The following LHX8 variants were observed in gnomAD, a reference collection of about 807,000 sequenced individuals.
LHX8 encodes LIM/homeobox protein Lhx8.
A neutral mutation model predicts 40.3 loss-of-function variants in LHX8; 12 were observed. The observed-to-expected ratio is 0.30, with a 90% CI of 0.19 to 0.48. The LOEUF (loss-of-function observed/expected upper bound fraction) is 0.48. LHX8 is among the 20% of genes least tolerant of loss of function. The probability of loss-of-function intolerance (pLI) is 0.99; values close to 1 mark genes in which losing one functional copy is unlikely to be tolerated. For synonymous variants in LHX8, 179 were observed against 162.0 expected, an observed-to-expected ratio of 1.10 and a Z score of -0.80; for missense variants, 344 against 433.7, an observed-to-expected ratio of 0.79 and a Z score of 1.84.
Position 75,155,601 on chromosome 1 carries a change from C to G in LHX8, c.781-1292C>G, listed in dbSNP as rs144745911. ...GGGAATTCAAACACAGGCATATTAG[C>G]TACTGGAAGCATTCTGGGCAGCCTA... On this transcript the variant is annotated intron_variant, in intron 7 of 8. Coordinates refer to ENST00000356261, the MANE Select transcript of LHX8 (RefSeq NM_001256114.2). Among the ~76,000 whole-genome samples, 226 of 152,230 alleles carry G rather than the reference C, an allele frequency of 1.5e-3. 3 individuals carry two copies. Among genetic ancestry groups the G allele is most frequent in the Non-Finnish European group, 1.2e-4 (8 of 68,038 alleles).
chr1:75,180,660 G>T, the LHX8 span, among the ~76,000 whole-genome samples: 1 of 152,152 alleles, frequency 6.6e-6, no homozygotes, highest in African/African-American at 2.4e-5. Flanking sequence ...GGAGAAGTTT[G>T]TTATTACCGA....
At chr1:75,131,412 T>C (rs551342688), upstream of LHX8, 1 of 154,872 alleles carries the variant, frequency 6.5e-6, no homozygotes, top group East Asian at 1.9e-4. Context: ...TCGGATCTAT[T>C]GCTTTTAAAT....
chr1:75,166,131 C>T (rs1649032316), downstream of LHX8, among the ~76,000 whole-genome samples: 1 of 152,200 alleles, frequency 6.6e-6, no homozygotes, highest in African/African-American at 2.4e-5. Context: ...GTTTGGCAAG[C>T]ACTGCCCTAT....
chr1:75,197,643 T>G, the LHX8 span, among the ~76,000 whole-genome samples: 35 of 152,292 alleles, frequency 2.3e-4, no homozygotes, highest in African/African-American at 6.0e-4. Flanking sequence ...TTAAACATGG[T>G]TTTTTCTTTG....
At chr1:75,136,553 CG>C (rs1648138323) in intron 1 of LHX8, 49 bp from the exon 2 acceptor site, 1 of 1,365,918 alleles carries the variant, frequency 7.3e-7, no homozygotes, top group East Asian at 2.5e-5. Flanking sequence ...GCAGCACGCT[CG>C]GAACTTCTGA....
chr1:75,138,192 T>C (rs892049947), intron 3 of LHX8, among the ~76,000 whole-genome samples: 1 of 152,202 alleles, frequency 6.6e-6, no homozygotes, highest in African/African-American at 2.4e-5. Flanking sequence ...TCAACTTAAA[T>C]AGCTTTTTAA....
Position 75,158,465 on chromosome 1 carries a change from A to C in LHX8, c.964+1389A>C, listed in dbSNP as rs1648828543. On this transcript the variant is annotated intron_variant, in intron 8 of 8. Transcript: ENST00000356261. ...GTGACATGTGCAAGAAATTGTTTAT[A>C]CTCAAAGATAATGAAGATATATCTT... Among the ~76,000 whole-genome samples, 5 of 152,290 alleles carry C rather than the reference A, an allele frequency of 3.3e-5. No individual in the cohort carries two copies. In the South Asian group the frequency reaches 1.0e-3, roughly 32 times the overall value.
At chr1:75,168,954 G>A in the LHX8 span, among the ~76,000 whole-genome samples, 76 of 152,020 alleles carry the variant, frequency 5.0e-4, no homozygotes, top group Non-Finnish European at 8.2e-4. Flanking sequence ...AACTTGTTCC[G>A]GGCTTCCACC....
the LHX8 span, among the ~76,000 whole-genome samples, chr1:75,167,164 A>C: frequency 6.6e-6 from 1 of 152,360 alleles, no homozygotes; most frequent in South Asian, 2.1e-4. Flanking sequence ...AACATGGAGA[A>C]GTATCACAAA....
At chr1:75,182,160 T>A in the LHX8 span, among the ~76,000 whole-genome samples, 1 of 152,182 alleles carries the variant, frequency 6.6e-6, no homozygotes, top group East Asian at 1.9e-4. Flanking sequence ...TGGTCCATCA[T>A]CAGTTGATTT....
the LHX8 span, among the ~76,000 whole-genome samples, chr1:75,192,253 A>G: frequency 6.9e-3 from 1,058 of 152,340 alleles, 11 homozygotes; most frequent in Non-Finnish European, 8.1e-3. Context: ...GCCGATACCA[A>G]GTATATTCTG....
chr1:75,172,924 C>T, the LHX8 span, among the ~76,000 whole-genome samples: 2 of 152,166 alleles, frequency 1.3e-5, no homozygotes, highest in Non-Finnish European at 2.9e-5. Context: ...GCTCCCAAGT[C>T]TTCATGACAC....
the LHX8 span, among the ~76,000 whole-genome samples, chr1:75,169,185 C>T: frequency 6.6e-6 from 1 of 152,174 alleles, no homozygotes; most frequent in Non-Finnish European, 1.5e-5. Context: ...TACTCATTCA[C>T]TTGCTCTCTT....
At chr1:75,171,130 C>A in the LHX8 span, among the ~76,000 whole-genome samples, 2 of 152,068 alleles carry the variant, frequency 1.3e-5, no homozygotes, top group Non-Finnish European at 2.9e-5. Flanking sequence ...GCTTAACCAG[C>A]CCTGGCAGGT....
intron 3 of LHX8, 67 bp from the exon 4 acceptor site, chr1:75,140,918 C>T: frequency 1.3e-6 from 2 of 1,536,566 alleles, no homozygotes; most frequent in South Asian, 1.1e-5. Flanking sequence ...TTAAATTGCC[C>T]AATACACAAA....
the LHX8 span, among the ~76,000 whole-genome samples, chr1:75,176,895 T>C: frequency 6.6e-6 from 1 of 152,192 alleles, no homozygotes; most frequent in Non-Finnish European, 1.5e-5. Flanking sequence ...TACATATGGC[T>C]AGCCAGTTTT....
the LHX8 span, among the ~76,000 whole-genome samples, chr1:75,182,150 T>G: frequency 6.6e-6 from 1 of 152,190 alleles, no homozygotes; most frequent in Non-Finnish European, 1.5e-5. Flanking sequence ...TTTAAGTCTT[T>G]GGTCCATCAT....
rs1648522437 is a variant in LHX8, at chr1:75,148,510, T to A, written c.685-77T>A. 4.1e-6 allele frequency: 4 copies of A among 984,988 alleles called. No individual in the cohort carries two copies. In the African/African-American group the frequency reaches 6.5e-5, roughly 16 times the overall value. 61.0% of individuals were successfully genotyped at this position (984,988 alleles called of 1,614,324 possible). On this transcript the variant is annotated intron_variant, in intron 6 of 8. Transcript: ENST00000356261. ...CCCATGTTCTTGTGCATGTCTTACC[T>A]CTTATGATAAAAATGCAGGAAGAAG...
At chr1:75,191,573 A>G in the LHX8 span, among the ~76,000 whole-genome samples, 2 of 152,120 alleles carry the variant, frequency 1.3e-5, no homozygotes, top group Admixed American at 6.6e-5. Context: ...ACTAAACCCC[A>G]CTGAACAGAA....
Sources: gnomAD v4.1 joint callset for allele counts (sites outside exome capture counted in the v4.1 genomes callset) on GRCh38, gnomAD v4.1.1 for gene constraint, MANE v1.5 for transcripts, NCBI Gene and HGNC (gene_info 2026-07-23, HGNC 2026-07-21) for gene names.